Variants in GOLGA6L22 observed in about 807,000 individuals in gnomAD.
GOLGA6L22 encodes golgin A6 family like 22.
A neutral mutation model predicts 77.1 loss-of-function variants in GOLGA6L22; 28 were observed. The ratio of observed to expected loss-of-function variants is 0.36; its 90% CI spans 0.27 to 0.50. GOLGA6L22 has a LOEUF of 0.50. Among genes scored for constraint, GOLGA6L22 ranks in the 20% least tolerant of loss-of-function variants. GOLGA6L22 has a pLI of 0.97. For missense variants in GOLGA6L22, 250 were observed against 620.4 expected (o/e 0.40, Z 6.34); for synonymous variants, 62 against 185.3 (o/e 0.33, Z 5.41).
intron 5 of GOLGA6L22, among the ~76,000 whole-genome samples, chr15:22,463,249 A>G (rs1213710932): frequency 6.7e-6 from 1 of 149,610 alleles, no homozygotes; most frequent in Admixed American, 6.7e-5. Flanking sequence ...CAGTGGTAGT[A>G]CTAACAGTAA....
rs1178372839 is a variant in GOLGA6L22, at chr15:22,465,916, A to T, written c.1524A>T (p.Ile508=). 1.0e-5 allele frequency: 9 copies of T among 900,714 alleles called. 1 individual carries two copies. Among genetic ancestry groups the T allele is most frequent in the Non-Finnish European group, 1.3e-5 (9 of 671,876 alleles). The allele number at this position is 900,714 out of a possible 1,614,324, so 55.8% of individuals were successfully genotyped here. A position where few individuals can be genotyped will look rare whatever the true frequency, so the allele number is the denominator to read the frequency against. The stretch of plus-strand genomic sequence containing the variant: ...AGAAGATGCATGAGCAGGAGAAGAT[A>T]TGGGAGGAGGAGAAGAGGCAGGAGC... The change falls in exon 8 of 9, where the codon ATA becomes ATT. Residue 508 remains isoleucine (I), a synonymous_variant. Coordinates refer to ENST00000622895, the Ensembl canonical transcript of GOLGA6L22.
chr15:22,466,132 G>A, exon 8 of GOLGA6L22: 1 of 964,958 alleles, frequency 1.0e-6, no homozygotes, highest in Non-Finnish European at 1.5e-6. Context: ...TACGGGAGCA[G>A]GAGGAGAAGA....
At chr15:22,461,037 A>AC in intron 2 of GOLGA6L22, 89 bp downstream of exon 2, 2 of 935,774 alleles carry the variant, frequency 2.1e-6, no homozygotes, top group Non-Finnish European at 3.0e-6. Context: ...ACTGCCAGGT[A>AC]CTGGCTAAGA....
intron 5 of GOLGA6L22, among the ~76,000 whole-genome samples, chr15:22,463,209 G>A (rs1887574195): frequency 2.0e-5 from 3 of 146,914 alleles, no homozygotes; most frequent in Non-Finnish European, 4.5e-5. Context: ...TTAGCATAGT[G>A]CCTGGTGAAG....
At chr15:22,461,909 G>C in intron 2 of GOLGA6L22, 125 bp from the exon 3 acceptor site, 1 of 904,300 alleles carries the variant, frequency 1.1e-6, no homozygotes, top group Admixed American at 2.3e-5. Flanking sequence ...ATCCCCACAG[G>C]GTCCCTGATA....
exon 8 of GOLGA6L22, chr15:22,465,478 G>T: frequency 7.1e-6 from 3 of 422,076 alleles, no homozygotes; most frequent in African/African-American, 9.6e-5. Context: ...AGAAGATACG[G>T]GAGCAGGAAG....
chr15:22,469,078 C>G (rs1466513846), exon 9 of GOLGA6L22: 1 of 123,856 alleles, frequency 8.1e-6, no homozygotes, highest in Admixed American at 7.6e-5. Context: ...CTGGCCGCCC[C>G]AAAAGAGCCA....
rs189662140 is a variant in GOLGA6L22, at chr15:22,461,843, C to T, written c.181-191C>T. Among the ~76,000 whole-genome samples the T allele has an allele frequency of 4.2e-4, 51 of 121,972 alleles. 7 individuals carry two copies. In the East Asian group the frequency reaches 9.6e-3, roughly 23 times the overall value. The allele number at this position is 121,972 out of a possible 152,430, so 80.0% of individuals were successfully genotyped here. The stretch of plus-strand genomic sequence containing the variant: ...GGCACTCAGATGTAGAGGCCCCAGG[C>T]TCATTTCACCCACTCCCAGCCTGGG... On this transcript the variant is annotated intron_variant, in intron 2 of 8. Transcript: ENST00000622895.
At chr15:22,466,754 A>C in exon 8 of GOLGA6L22, 1 of 575,024 alleles carries the variant, frequency 1.7e-6, no homozygotes, top group Non-Finnish European at 3.0e-6. Context: ...GAAGATGCGG[A>C]GGCAGGAGGA....
chr15:22,465,743 C>A (rs1158555832), exon 8 of GOLGA6L22: 12 of 1,298,156 alleles, frequency 9.2e-6, no homozygotes, highest in Non-Finnish European at 1.2e-5. Context: ...GATACGGGAG[C>A]AGGAGGAGAA....
upstream of GOLGA6L22, chr15:22,459,013 C>T: frequency 9.0e-6 from 1 of 110,854 alleles, no homozygotes. Flanking sequence ...TGGCCCCAAC[C>T]CCACCTCCCT....
chr15:22,466,544 G>A (rs1290215711), exon 8 of GOLGA6L22: 15 of 1,354,054 alleles, frequency 1.1e-5, no homozygotes, highest in Non-Finnish European at 1.5e-5. Context: ...GAAGATGGGG[G>A]AGCAGGAAGA....
At chr15:22,463,284 G>T (rs1233180237) in intron 5 of GOLGA6L22, among the ~76,000 whole-genome samples, 7 of 149,600 alleles carry the variant, frequency 4.7e-5, no homozygotes, top group East Asian at 3.9e-4. Flanking sequence ...TTATCTGATC[G>T]CTCTGGGCCC....
rs573684723 is a variant in GOLGA6L22, at chr15:22,465,845, C to G, written c.1453C>G (p.Gln485Glu). The G allele has an allele frequency of 3.5e-6, 5 of 1,426,864 alleles. 1 individual carries two copies. The African/African-American group carries it at 6.6e-5, about 19-fold the overall frequency. The allele number at this position is 1,426,864 out of a possible 1,614,324, so 88.4% of individuals were successfully genotyped here. ...GAGGCAGGAGGAGAAGATACGGGAGCAGGAGGAGAAGATACGGGAGCAGGA... is the reference window on the plus strand; with the variant it reads ...GAGGCAGGAGGAGAAGATACGGGAGGAGGAGGAGAAGATACGGGAGCAGGA... The change falls in exon 8 of 9, where the codon CAG becomes GAG. Residue 485 changes from glutamine (Q) to glutamate (E), a missense_variant. By Grantham distance (29) the Gln-to-Glu change is conservative. Transcript: ENST00000622895.
chr15:22,466,113 AG>A lies in GOLGA6L22; in HGVS notation c.1723del (p.Glu575ArgfsTer16). 1 of 1,113,088 alleles carries A rather than the reference AG, an allele frequency of 9.0e-7. No individual in the cohort carries two copies. The highest frequency in any genetic ancestry group is 1.4e-5 in the South Asian group (1 of 70,018). 69.0% of individuals were successfully genotyped at this position (1,113,088 alleles called of 1,614,324 possible). On this transcript the variant is annotated frameshift_variant, in exon 8 of 9. Transcript: ENST00000622895. LOFTEE classifies it high-confidence loss of function. ...CAGGAGGAGAAGATACGGGAGCAGG[AG>A]GAGAAGATACGGGAGCAGGAGGAGA...
At chr15:22,466,543 G>T (rs557099082) in exon 8 of GOLGA6L22, 8 of 1,344,068 alleles carry the variant, frequency 6.0e-6, no homozygotes, top group South Asian at 2.6e-5. Flanking sequence ...AGAAGATGGG[G>T]GAGCAGGAAG....
intron 2 of GOLGA6L22, 71 bp from the exon 3 acceptor site, chr15:22,461,963 T>A (rs1396577784): frequency 7.1e-7 from 1 of 1,413,932 alleles, no homozygotes; most frequent in Non-Finnish European, 9.5e-7. Context: ...GTGGTGCCAT[T>A]CTGGGGGCAT....
At chr15:22,459,122 T>A, upstream of GOLGA6L22, 1 of 97,634 alleles carries the variant, frequency 1.0e-5, no homozygotes, top group Non-Finnish European at 1.7e-5. Context: ...CTACCCATCC[T>A]ATGATGTCCA....
intron 5 of GOLGA6L22, 146 bp from the exon 6 acceptor site, chr15:22,463,695 T>C: frequency 1.9e-6 from 1 of 527,358 alleles, no homozygotes; most frequent in Non-Finnish European, 3.3e-6. Context: ...AATGAGACCA[T>C]GGGCTTGGAA....
Sources: gnomAD v4.1 joint callset for allele counts (sites outside exome capture counted in the v4.1 genomes callset) on GRCh38, gnomAD v4.1.1 for gene constraint, MANE v1.5 for transcripts, NCBI Gene and HGNC (gene_info 2026-07-23, HGNC 2026-07-21) for gene names.